KCNQ3: variants seen among roughly 807,000 people sequenced by gnomAD.
KCNQ3 encodes potassium voltage-gated channel subfamily KQT member 3.
KCNQ3 carries 30 observed loss-of-function variants against 92.5 expected under a neutral mutation model. That is an observed-to-expected ratio of 0.32 (90% confidence interval 0.24 to 0.44). The LOEUF is 0.44. Among genes scored for constraint, KCNQ3 ranks in the 20% least tolerant of loss-of-function variants. KCNQ3 has a pLI of 1.00. For synonymous variants in KCNQ3, 450 were observed against 468.8 expected, an observed-to-expected ratio of 0.96 and a Z score of 0.52; for missense variants, 913 against 1,140.3, an observed-to-expected ratio of 0.80 and a Z score of 2.87.
chr8:132,458,618 C>G (rs1821996291), intron 1 of KCNQ3, among the ~76,000 whole-genome samples: 1 of 152,150 alleles, frequency 6.6e-6, no homozygotes, highest in Admixed American at 6.5e-5. Flanking sequence ...AAACACCCAG[C>G]TAATTTCTGT....
At chr8:132,315,546 A>T (rs1207287850) in intron 1 of KCNQ3, among the ~76,000 whole-genome samples, 1 of 152,132 alleles carries the variant, frequency 6.6e-6, no homozygotes, top group Admixed American at 6.5e-5. Flanking sequence ...TCCAATGACT[A>T]CTTTAAAAGA....
At chr8:132,466,634 TTACC>T (rs1822178258) in intron 1 of KCNQ3, among the ~76,000 whole-genome samples, 1 of 152,132 alleles carries the variant, frequency 6.6e-6, no homozygotes, top group South Asian at 2.1e-4. Flanking sequence ...CTTATTTCAC[TTACC>T]TTCCCCGATT....
At chr8:132,446,435 C>A (rs1821678880) in intron 1 of KCNQ3, among the ~76,000 whole-genome samples, 3 of 152,194 alleles carry the variant, frequency 2.0e-5, no homozygotes, top group Non-Finnish European at 4.4e-5. Flanking sequence ...CTCTCCTTGG[C>A]TGCTGGGAAT....
chr8:132,318,164 G>A (rs890240680), intron 1 of KCNQ3, among the ~76,000 whole-genome samples: 1 of 152,206 alleles, frequency 6.6e-6, no homozygotes, highest in African/African-American at 2.4e-5. Flanking sequence ...CTATTTATGA[G>A]GGAGTCTGGC....
intron 1 of KCNQ3, among the ~76,000 whole-genome samples, chr8:132,186,967 A>C (rs1826987465): frequency 7.1e-6 from 1 of 140,784 alleles, no homozygotes; most frequent in South Asian, 2.2e-4. Context: ...AGAGAGAGAG[A>C]GAGAGAGAGA....
intron 6 of KCNQ3, 30 bp downstream of exon 6, chr8:132,174,209 T>G: frequency 2.0e-6 from 3 of 1,466,698 alleles, no homozygotes; most frequent in Non-Finnish European, 1.9e-6. Flanking sequence ...GCACGTCACA[T>G]TGGGGATGTC....
intron 1 of KCNQ3, among the ~76,000 whole-genome samples, chr8:132,300,937 T>C (rs1817195550): frequency 6.6e-6 from 1 of 152,128 alleles, no homozygotes; most frequent in African/African-American, 2.4e-5. Context: ...AGCATCAAGA[T>C]GGTGATAATT....
chr8:132,468,887 C>T (rs1375061306), intron 1 of KCNQ3, among the ~76,000 whole-genome samples: 1 of 152,180 alleles, frequency 6.6e-6, no homozygotes, highest in African/African-American at 2.4e-5. Flanking sequence ...CTTAGTCATA[C>T]ACTACATGCA....
chr8:132,392,435 C>T (rs1820073888), intron 1 of KCNQ3, among the ~76,000 whole-genome samples: 1 of 152,132 alleles, frequency 6.6e-6, no homozygotes, highest in East Asian at 1.9e-4. Context: ...TGCTGTTCCT[C>T]AAAAAGATCA....
At chr8:132,181,825 G>A (rs1231489879) in intron 3 of KCNQ3, among the ~76,000 whole-genome samples, 2 of 151,988 alleles carry the variant, frequency 1.3e-5, no homozygotes, top group Admixed American at 6.5e-5. Flanking sequence ...AGGCCGAGGC[G>A]GGCAGATCAC....
chr8:132,478,592 G>A (rs1822466542), intron 1 of KCNQ3, among the ~76,000 whole-genome samples: 1 of 151,808 alleles, frequency 6.6e-6, no homozygotes, highest in South Asian at 2.1e-4. Flanking sequence ...TTGTTAAGCC[G>A]TCTCTCCAAC....
At position 132,301,291 on chromosome 8, in the gene KCNQ3, C is replaced by T. The variant is rs75580881; in HGVS notation, c.387-115110G>A. ...GACTGTACGCCCATCTCATCATATCCCACTCCTATCAGGTCAGCACTCACC... is the reference window on the plus strand; with the variant it reads ...GACTGTACGCCCATCTCATCATATCTCACTCCTATCAGGTCAGCACTCACC... On this transcript the variant is annotated intron_variant, in intron 1 of 14. Coordinates refer to ENST00000388996, the MANE Select transcript of KCNQ3 (RefSeq NM_004519.4). Among the ~76,000 whole-genome samples the T allele has an allele frequency of 5.3e-4, 81 of 152,228 alleles. No homozygotes were observed. In the East Asian group the frequency reaches 0.016, roughly 30 times the overall value.
chr8:132,374,163 C>T (rs1032022057), intron 1 of KCNQ3, among the ~76,000 whole-genome samples: 2 of 152,152 alleles, frequency 1.3e-5, no homozygotes, highest in African/African-American at 4.8e-5. Flanking sequence ...GATTGGAACA[C>T]TGGCCATGAC....
At chr8:132,286,588 CT>C (rs978355855) in intron 1 of KCNQ3, among the ~76,000 whole-genome samples, 7 of 152,098 alleles carry the variant, frequency 4.6e-5, no homozygotes, top group African/African-American at 1.7e-4. Flanking sequence ...GGACTTTAGA[CT>C]TTTGAGTTGG....
intron 9 of KCNQ3, among the ~76,000 whole-genome samples, chr8:132,143,936 G>A (rs761260646): frequency 5.9e-5 from 9 of 152,104 alleles, no homozygotes; most frequent in South Asian, 4.1e-4. Context: ...CTCCACTTCC[G>A]TATGAGATAA....
intron 1 of KCNQ3, among the ~76,000 whole-genome samples, chr8:132,464,600 C>T (rs1445319352): frequency 2.0e-5 from 3 of 152,156 alleles, no homozygotes; most frequent in Admixed American, 6.5e-5. Flanking sequence ...GATAAAAAGT[C>T]GGACCTTGGA....
intron 1 of KCNQ3, among the ~76,000 whole-genome samples, chr8:132,295,853 G>A (rs1563845869): frequency 1.3e-5 from 2 of 152,132 alleles, no homozygotes; most frequent in Non-Finnish European, 2.9e-5. Context: ...TGGACACAGG[G>A]AGGGGAACAA....
chr8:132,223,333 G>A (rs1814298848), intron 1 of KCNQ3, among the ~76,000 whole-genome samples: 1 of 152,212 alleles, frequency 6.6e-6, no homozygotes, highest in Non-Finnish European at 1.5e-5. Context: ...TGTCCAGCAG[G>A]GAAGCAGACA....
intron 2 of KCNQ3, 141 bp from the exon 3 acceptor site, chr8:132,184,508 G>C: frequency 1.3e-6 from 1 of 791,296 alleles, no homozygotes; most frequent in Non-Finnish European, 2.1e-6. Context: ...CTGGGGATGG[G>C]GGTGGGGAAG....
Sources: gnomAD v4.1 joint callset for allele counts (sites outside exome capture counted in the v4.1 genomes callset) on GRCh38, gnomAD v4.1.1 for gene constraint, MANE v1.5 for transcripts, NCBI Gene and HGNC (gene_info 2026-07-23, HGNC 2026-07-21) for gene names.